Variants in SOX6 observed in about 807,000 individuals in gnomAD.
SOX6 encodes transcription factor SOX-6.
A neutral mutation model predicts 97.8 loss-of-function variants in SOX6; 11 were observed. That is an observed-to-expected ratio of 0.11 (90% CI 0.07 to 0.19). The LOEUF is 0.19. SOX6 is among the 10% of genes least tolerant of loss of function. The probability of loss-of-function intolerance (pLI) is 1.00; values close to 1 mark genes in which losing one functional copy is unlikely to be tolerated. For synonymous variants in SOX6, 360 were observed against 371.4 expected, an observed-to-expected ratio of 0.97 and a Z score of 0.35; for missense variants, 810 against 1,039.5, an observed-to-expected ratio of 0.78 and a Z score of 3.04.
chr11:16,424,373 G>GC (rs1393203200), intron 1 of SOX6, among the ~76,000 whole-genome samples: 1 of 152,154 alleles, frequency 6.6e-6, no homozygotes, highest in Non-Finnish European at 1.5e-5. Flanking sequence ...CTACAAACTT[G>GC]CAAGGTTAGC....
intron 4 of SOX6, among the ~76,000 whole-genome samples, chr11:16,584,200 T>C (rs1034731957): frequency 2.6e-5 from 4 of 152,314 alleles, no homozygotes; most frequent in Non-Finnish European, 2.9e-5. Flanking sequence ...TAATTCCCTA[T>C]TGTTGATCCC....
At chr11:16,485,949 AGGGGAGG>A in intron 4 of SOX6, among the ~76,000 whole-genome samples, 1 of 1,364 alleles carries the variant, frequency 7.3e-4, no homozygotes, top group African/African-American at 6.7e-3. Context: ...AGAGGAGGGG[AGGGGAGG>A]GGAGGGGAGG....
chr11:16,430,104 T>C (rs1859246021), intron 1 of SOX6, among the ~76,000 whole-genome samples: 1 of 152,214 alleles, frequency 6.6e-6, no homozygotes, highest in African/African-American at 2.4e-5. Context: ...ATCTTCCAGT[T>C]CCTGGAACAC....
intron 4 of SOX6, among the ~76,000 whole-genome samples, chr11:16,203,929 A>G (rs1852005023): frequency 6.6e-6 from 1 of 152,078 alleles, no homozygotes; most frequent in African/African-American, 2.4e-5. Flanking sequence ...TCTCATCTTA[A>G]CCTATTTTCT....
intron 1 of SOX6, among the ~76,000 whole-genome samples, chr11:16,425,817 A>C (rs560590798): frequency 1.3e-5 from 2 of 152,304 alleles, no homozygotes; most frequent in Admixed American, 1.3e-4. Flanking sequence ...ATCAGAGATG[A>C]CACATATAAA....
intron 12 of SOX6, among the ~76,000 whole-genome samples, chr11:16,036,547 G>A (rs1330457541): frequency 1.3e-5 from 2 of 152,178 alleles, no homozygotes; most frequent in Non-Finnish European, 2.9e-5. Flanking sequence ...TAGAGATAAT[G>A]TGGACGAGTT....
At chr11:16,592,421 T>C (rs530505801) in intron 4 of SOX6, among the ~76,000 whole-genome samples, 6 of 151,720 alleles carry the variant, frequency 4.0e-5, no homozygotes, top group African/African-American at 1.5e-4. Context: ...ATACCAGCTA[T>C]AGGTTACTAT....
At chr11:16,325,846 C>T (rs1029925536) in intron 2 of SOX6, among the ~76,000 whole-genome samples, 1 of 152,082 alleles carries the variant, frequency 6.6e-6, no homozygotes, top group Non-Finnish European at 1.5e-5. Context: ...GTATTAGCAA[C>T]CTTATAAAAG....
intron 4 of SOX6, among the ~76,000 whole-genome samples, chr11:16,535,776 A>G (rs1861299712): frequency 6.6e-6 from 1 of 152,230 alleles, no homozygotes; most frequent in African/African-American, 2.4e-5. Flanking sequence ...AGACCTAGGC[A>G]TTGGTTAGCA....
chr11:16,185,043 C>T (rs758381150), intron 5 of SOX6, among the ~76,000 whole-genome samples: 1 of 152,126 alleles, frequency 6.6e-6, no homozygotes, highest in Non-Finnish European at 1.5e-5. Context: ...ACTTCCCAAG[C>T]CTTTTTAATG....
At chr11:16,204,056 T>C (rs1180377678) in intron 4 of SOX6, among the ~76,000 whole-genome samples, 1 of 151,942 alleles carries the variant, frequency 6.6e-6, no homozygotes, top group Non-Finnish European at 1.5e-5. Flanking sequence ...CAATCCACAA[T>C]GTATACATAC....
In SOX6 at chr11:16,442,300, A is replaced by C. The variant is rs1315483931; in HGVS notation, c.-5+34015T>G. ...ATAGTTTCTCTAAAATGAAGTCTGG[A>C]GACTCTGAGGTGTTTCTCTGAAAGA... is the stretch of plus-strand genomic sequence containing the variant. On this transcript the variant is annotated intron_variant, in intron 1 of 15. Coordinates refer to the SOX6 transcript ENST00000396356. Among the ~76,000 whole-genome samples, 9 of 152,296 alleles carry C rather than the reference A, an allele frequency of 5.9e-5. No homozygotes were observed. In the East Asian group the frequency reaches 1.7e-3, roughly 29 times the overall value.
intron 1 of SOX6, among the ~76,000 whole-genome samples, chr11:16,439,440 C>T (rs988278422): frequency 2.6e-5 from 4 of 152,094 alleles, no homozygotes; most frequent in Admixed American, 2.0e-4. Flanking sequence ...AGGGCTGACA[C>T]AAATGATTGA....
At chr11:16,712,835 G>A (rs1345885214) in intron 3 of SOX6, among the ~76,000 whole-genome samples, 1 of 152,130 alleles carries the variant, frequency 6.6e-6, no homozygotes, top group Non-Finnish European at 1.5e-5. Flanking sequence ...AGACTAATTA[G>A]TTCAATTATT....
At chr11:16,530,555 C>T (rs148545022) in intron 4 of SOX6, among the ~76,000 whole-genome samples, 58 of 152,044 alleles carry the variant, frequency 3.8e-4, no homozygotes, top group Non-Finnish European at 6.8e-4. Context: ...CTGACACCAA[C>T]CACCTCATGT....
intron 3 of SOX6, among the ~76,000 whole-genome samples, chr11:16,659,397 T>C (rs7119500): frequency 0.015 from 2,260 of 152,354 alleles, 56 homozygotes; most frequent in African/African-American, 0.049. Context: ...TTCATTGATT[T>C]ATTTGTCTCT....
At chr11:16,197,902 A>G (rs972543973) in intron 4 of SOX6, among the ~76,000 whole-genome samples, 5 of 152,246 alleles carry the variant, frequency 3.3e-5, no homozygotes, top group Admixed American at 2.6e-4. Flanking sequence ...CTCTACTTAT[A>G]AAAATTAAAA....
At chr11:16,041,591 A>G (rs971674114) in intron 12 of SOX6, among the ~76,000 whole-genome samples, 2 of 152,174 alleles carry the variant, frequency 1.3e-5, no homozygotes, top group African/African-American at 4.8e-5. Flanking sequence ...TCATTTGGGT[A>G]TAAGAAATGT....
chr11:16,041,284 T>C (rs1020914968), intron 12 of SOX6, among the ~76,000 whole-genome samples: 2 of 152,274 alleles, frequency 1.3e-5, no homozygotes, highest in South Asian at 2.1e-4. Context: ...TCTGTCTAAA[T>C]TTATCCTGTC....
Sources: gnomAD v4.1 joint callset for allele counts (sites outside exome capture counted in the v4.1 genomes callset) on GRCh38, gnomAD v4.1.1 for gene constraint, MANE v1.5 for transcripts, NCBI Gene and HGNC (gene_info 2026-07-23, HGNC 2026-07-21) for gene names.